Variants in PRR16 observed in about 807,000 individuals in gnomAD.
PRR16 encodes the protein protein Largen.
In PRR16, 6 loss-of-function variants were observed where a neutral mutation model predicts 18.2. That is an observed-to-expected ratio of 0.33 (90% CI 0.18 to 0.65). The LOEUF (loss-of-function observed/expected upper bound fraction) is 0.65, where lower values mean the gene tolerates loss of function less well. Ranked by LOEUF, PRR16 falls within the 30% of genes least tolerant of loss-of-function variation. PRR16 has a pLI of 0.74. For missense variants in PRR16, 412 were observed against 376.6 expected (o/e 1.09, Z -0.78); for synonymous variants, 151 against 147.8 (o/e 1.02, Z -0.16).
chr5:120,664,943 G>A (rs1286325031), intron 1 of PRR16, among the ~76,000 whole-genome samples: 2 of 151,974 alleles, frequency 1.3e-5, no homozygotes, highest in African/African-American at 2.4e-5. Context: ...TTATAGCAGT[G>A]TGATTTATAG....
intron 1 of PRR16, among the ~76,000 whole-genome samples, chr5:120,609,196 G>T (rs895708697): frequency 6.6e-6 from 1 of 151,214 alleles, no homozygotes; most frequent in Non-Finnish European, 1.5e-5. Flanking sequence ...TAAAAATTAT[G>T]GTTAGATATA....
chr5:120,711,313 A>AT, the PRR16 span, among the ~76,000 whole-genome samples: 1 of 152,034 alleles, frequency 6.6e-6, no homozygotes, highest in Non-Finnish European at 1.5e-5. Context: ...AATTTACTTG[A>AT]TTTTTTCTGT....
rs566697986 is a variant in PRR16 at position 120,485,328 on chromosome 5, T to A, written c.159+20683T>A. Among the ~76,000 whole-genome samples the A allele has an allele frequency of 2.0e-5, 3 of 152,206 alleles. No individual in the cohort carries two copies. The South Asian group carries it at 6.2e-4, about 32-fold the overall frequency. On this transcript the variant is annotated intron_variant, in intron 1 of 1. Transcript: ENST00000407149. Reference sequence around the variant, plus strand: ...CATGATTCCAGAAAAATTATTAGGATAAATATTGATCATCCTGTTTCAGAC... The same window carrying A: ...CATGATTCCAGAAAAATTATTAGGAAAAATATTGATCATCCTGTTTCAGAC...
At chr5:120,678,929 AATT>A (rs1756889157) in intron 1 of PRR16, among the ~76,000 whole-genome samples, 1 of 152,142 alleles carries the variant, frequency 6.6e-6, no homozygotes, top group Non-Finnish European at 1.5e-5. Context: ...TAGATTATAT[AATT>A]ATTTAATTTC....
chr5:120,794,324 T>A, the PRR16 span, among the ~76,000 whole-genome samples: 1 of 152,160 alleles, frequency 6.6e-6, no homozygotes, highest in South Asian at 2.1e-4. Context: ...TTTTACAAAT[T>A]GAAGGTTTGT....
rs181393041 is a variant in PRR16 at position 120,558,245 on chromosome 5, T to C, written c.159+93600T>C. Among the ~76,000 whole-genome samples the C allele has an allele frequency of 1.1e-4, 17 of 152,048 alleles. No homozygotes were observed. In the East Asian group the frequency reaches 2.7e-3, roughly 24 times the overall value. ...TCAAATACTAGGTCTTATTCATTTT[T>C]CTAATTATTTTTTGTACCAATTAAC... is the stretch of plus-strand genomic sequence containing the variant. On this transcript the variant is annotated intron_variant, in intron 1 of 1. Coordinates refer to ENST00000407149, the MANE Select transcript of PRR16 (RefSeq NM_001300783.2).
the PRR16 span, among the ~76,000 whole-genome samples, chr5:120,774,779 C>G: frequency 6.6e-6 from 1 of 152,002 alleles, no homozygotes; most frequent in Non-Finnish European, 1.5e-5. Context: ...AGCTAAGGTC[C>G]CTGCAATACA....
At chr5:120,585,278 T>G (rs1447848564) in intron 1 of PRR16, among the ~76,000 whole-genome samples, 1 of 152,124 alleles carries the variant, frequency 6.6e-6, no homozygotes, top group Non-Finnish European at 1.5e-5. Flanking sequence ...CTGAGCTGAT[T>G]TGAAGAATGA....
intron 1 of PRR16, among the ~76,000 whole-genome samples, chr5:120,609,872 G>A (rs941288574): frequency 3.6e-4 from 55 of 152,278 alleles, no homozygotes; most frequent in Middle Eastern, 3.4e-3. Context: ...CATGGTCCCA[G>A]AATTACTTTT....
At chr5:120,711,580 A>G in the PRR16 span, among the ~76,000 whole-genome samples, 10 of 152,228 alleles carry the variant, frequency 6.6e-5, no homozygotes, top group African/African-American at 1.7e-4. Flanking sequence ...TTTATTACTC[A>G]TAAAACTTAG....
At chr5:120,724,446 T>A in the PRR16 span, among the ~76,000 whole-genome samples, 10 of 152,200 alleles carry the variant, frequency 6.6e-5, no homozygotes, top group African/African-American at 2.4e-4. Flanking sequence ...CTGAGAAAAT[T>A]AAATGTGTTT....
At chr5:120,533,246 C>A (rs925986104) in intron 1 of PRR16, among the ~76,000 whole-genome samples, 1 of 152,172 alleles carries the variant, frequency 6.6e-6, no homozygotes, top group African/African-American at 2.4e-5. Context: ...TCAACCTAAT[C>A]TTCCACAAGA....
chr5:120,655,348 G>A lies in PRR16; in HGVS notation c.160-30606G>A, dbSNP rs115272080. Among the ~76,000 whole-genome samples the A allele has an allele frequency of 2.7e-3, 389 of 146,270 alleles. 3 individuals are homozygous for A. Among genetic ancestry groups the A allele is most frequent in the Non-Finnish European group, 2.8e-3 (186 of 66,822 alleles). Reference sequence around the variant, plus strand: ...ATGTTAGCAAGAATTTTCAATGGATGATTTATCTTCAAATCAATAATTGAC... The same window carrying A: ...ATGTTAGCAAGAATTTTCAATGGATAATTTATCTTCAAATCAATAATTGAC... On this transcript the variant is annotated intron_variant, in intron 1 of 1. Transcript: ENST00000407149.
At chr5:120,721,662 T>C in the PRR16 span, among the ~76,000 whole-genome samples, 4 of 152,024 alleles carry the variant, frequency 2.6e-5, no homozygotes, top group Non-Finnish European at 5.9e-5. Context: ...TTCAAAGCCA[T>C]TGTAAAGTTT....
At chr5:120,571,244 T>A (rs912790287) in intron 1 of PRR16, among the ~76,000 whole-genome samples, 1 of 152,090 alleles carries the variant, frequency 6.6e-6, no homozygotes, top group African/African-American at 2.4e-5. Flanking sequence ...GTGCATTGCT[T>A]TAGTTTTTGC....
rs749788361 is a variant in PRR16, at chr5:120,481,279, C to T, written c.159+16634C>T. On this transcript the variant is annotated intron_variant, in intron 1 of 1. Transcript: ENST00000407149. ...TCTCCTGCCTCAGCCTGCCTCAGTG[C>T]GCCACTACGCCTGGGTAAGTTTTGT... The T allele has an allele frequency of 3.8e-5, 17 of 453,094 alleles. 1 individual carries two copies. Among genetic ancestry groups the T allele is most frequent in the South Asian group, 1.1e-4 (7 of 63,902 alleles). 28.1% of individuals were successfully genotyped at this position (453,094 alleles called of 1,614,324 possible).
chr5:120,464,319 G>A lies in PRR16; in HGVS notation c.-168G>A. 3.1e-6 allele frequency: 2 copies of A among 644,368 alleles called. No individual in the cohort carries two copies. Among genetic ancestry groups the A allele is most frequent in the Non-Finnish European group, 4.7e-6 (2 of 429,596 alleles). 39.9% of individuals were successfully genotyped at this position (644,368 alleles called of 1,614,324 possible). The stretch of plus-strand genomic sequence containing the variant: ...CTCGGGAGTTGATGGCAGCACCACT[G>A]TGCGGCCGCCCGGCCGAGCGCGGAG... On this transcript the variant is annotated 5_prime_UTR_variant, in exon 1 of 2. It adds an upstream start codon to the 5' untranslated region. Coordinates refer to ENST00000407149, the MANE Select transcript of PRR16 (RefSeq NM_001300783.2).
the PRR16 span, among the ~76,000 whole-genome samples, chr5:120,775,981 T>A: frequency 1.3e-5 from 2 of 151,734 alleles, no homozygotes; most frequent in Admixed American, 6.6e-5. Flanking sequence ...ACTTTCCAGA[T>A]AAAAACACTA....
intron 1 of PRR16, among the ~76,000 whole-genome samples, chr5:120,601,142 A>G (rs1270056886): frequency 6.6e-6 from 1 of 152,012 alleles, no homozygotes; most frequent in East Asian, 1.9e-4. Flanking sequence ...TCTTTGAGAA[A>G]TCTCCAAACT....
Sources: allele counts gnomAD v4.1 joint callset (sites outside exome capture counted in the v4.1 genomes callset), GRCh38; gene constraint gnomAD v4.1.1; transcripts MANE v1.5; gene names NCBI Gene and HGNC (gene_info 2026-07-23, HGNC 2026-07-21).